The following CEP85L variants were observed in gnomAD, a reference collection of about 807,000 sequenced individuals.
The protein encoded by CEP85L is centrosomal protein of 85 kDa-like.
CEP85L carries 60 observed loss-of-function variants against 100.3 expected under a neutral mutation model. That is an observed-to-expected ratio of 0.60 (90% CI 0.49 to 0.74). The LOEUF (loss-of-function observed/expected upper bound fraction) is 0.74, where lower values mean the gene tolerates loss of function less well. CEP85L is among the 30% of genes least tolerant of loss of function. The pLI, the probability that CEP85L is intolerant of heterozygous loss-of-function variation, is 0.00. For missense variants in CEP85L, 973 were observed against 936.2 expected (o/e 1.04, Z -0.51); for synonymous variants, 319 against 322.7 (o/e 0.99, Z 0.12).
rs141587519 is a variant in CEP85L at position 118,469,060 on chromosome 6, T to G, written c.2254+12A>C. ...ATTGCCACAAAATAAGGACAAGTCA[T>G]CAGACACTTACATCTTATTCCCAGT... is the stretch of plus-strand genomic sequence containing the variant. On this transcript the variant is annotated intron_variant, in intron 12 of 12. Coordinates refer to ENST00000368491, the MANE Select transcript of CEP85L (RefSeq NM_001042475.3). The G allele has an allele frequency of 1.5e-4, 237 of 1,579,230 alleles. No individual in the cohort carries two copies. In the African/African-American group the frequency reaches 2.9e-3, roughly 19 times the overall value.
At chr6:118,631,121 C>T (rs1181763910) in intron 2 of CEP85L, among the ~76,000 whole-genome samples, 1 of 152,094 alleles carries the variant, frequency 6.6e-6, no homozygotes, top group Non-Finnish European at 1.5e-5. Context: ...ATATACTACA[C>T]TAGTAGGAGA....
intron 1 of CEP85L, among the ~76,000 whole-genome samples, chr6:118,695,786 T>C (rs186463402): frequency 3.2e-4 from 48 of 152,276 alleles, no homozygotes; most frequent in African/African-American, 1.1e-3. Context: ...CAAGATACCA[T>C]GATGGTATGT....
At chr6:118,662,257 C>T (rs116687118) in intron 1 of CEP85L, among the ~76,000 whole-genome samples, 6,667 of 152,136 alleles carry the variant, frequency 0.044, 175 homozygotes, top group Admixed American at 0.055. Flanking sequence ...TGGCCGGGTG[C>T]GGTGGCTCAC....
intron 2 of CEP85L, among the ~76,000 whole-genome samples, chr6:118,601,280 A>C (rs1193823413): frequency 2.0e-5 from 3 of 152,202 alleles, no homozygotes; most frequent in African/African-American, 7.2e-5. Context: ...CCCTCTGTAA[A>C]GGCTATCAGT....
rs1781712069 is a variant in CEP85L at position 118,600,351 on chromosome 6, GT to G, written c.232+32101del. The stretch of plus-strand genomic sequence containing the variant: ...TGTGTGTGTGTGTGTGTGTGTGTGT[GT>G]GTGTGTGTGTGTGTGTGTAACGCCA... On this transcript the variant is annotated intron_variant, in intron 2 of 12. Transcript: ENST00000368491. Among the ~76,000 whole-genome samples the G allele has an allele frequency of 3.6e-5, 5 of 138,968 alleles. 1 individual carries two copies. Among genetic ancestry groups the G allele is most frequent in the Middle Eastern group, 7.2e-3 (2 of 278 alleles). 91.2% of individuals were successfully genotyped at this position (138,968 alleles called of 152,430 possible). A position where few individuals can be genotyped will look rare whatever the true frequency, so the allele number is the denominator to read the frequency against.
intron 2 of CEP85L, among the ~76,000 whole-genome samples, chr6:118,605,184 C>G (rs1292273826): frequency 6.6e-6 from 1 of 152,088 alleles, no homozygotes; most frequent in Non-Finnish European, 1.5e-5. Flanking sequence ...ATTAAGGGTG[C>G]CATTTTATGC....
chr6:118,640,367 T>C (rs1774783444), intron 1 of CEP85L, among the ~76,000 whole-genome samples: 1 of 152,060 alleles, frequency 6.6e-6, no homozygotes. Flanking sequence ...CCAGGCTACC[T>C]GGGTTCAAGT....
rs1246129504 is a variant in CEP85L at position 118,600,310 on chromosome 6, T to G, written c.232+32143A>C. On this transcript the variant is annotated intron_variant, in intron 2 of 12. Transcript: ENST00000368491. ...CTGAGCCTTCCTGGGGGTGTGTGTG[T>G]GTGTGTGTGTGTGTGTGTGTGTGTG... Among the ~76,000 whole-genome samples the G allele has an allele frequency of 5.8e-3, 379 of 65,892 alleles. 21 individuals carry two copies. The highest frequency in any genetic ancestry group is 0.016 in the Middle Eastern group (2 of 124). The allele number at this position is 65,892 out of a possible 152,430, so 43.2% of individuals were successfully genotyped here.
chr6:118,567,239 G>GTA (rs1779585529), intron 2 of CEP85L, among the ~76,000 whole-genome samples: 4 of 53,324 alleles, frequency 7.5e-5, no homozygotes, highest in Non-Finnish European at 1.1e-4. Context: ...GTGTGTGTGT[G>GTA]TGTGTGTGTG....
intron 3 of CEP85L, chr6:118,565,000 T>A (rs9489443): frequency 0.17 from 25,469 of 148,916 alleles, 2,285 homozygotes; most frequent in Non-Finnish European, 0.19. Flanking sequence ...TAATTTTTTT[T>A]AAAAAAAAGT....
At chr6:118,613,411 A>G (rs9489466) in intron 2 of CEP85L, among the ~76,000 whole-genome samples, 4,441 of 152,274 alleles carry the variant, frequency 0.029, 193 homozygotes, top group African/African-American at 0.091. Context: ...ATTACTTTAT[A>G]ACTATTAAGG....
intron 2 of CEP85L, among the ~76,000 whole-genome samples, chr6:118,595,549 A>AAT (rs1781419468): frequency 6.6e-6 from 1 of 152,172 alleles, no homozygotes; most frequent in Admixed American, 6.5e-5. Flanking sequence ...GTATTCAATA[A>AAT]ATATATATAA....
intron 1 of CEP85L, among the ~76,000 whole-genome samples, chr6:118,679,565 AG>A (rs1328240414): frequency 6.6e-6 from 1 of 152,220 alleles, no homozygotes; most frequent in East Asian, 1.9e-4. Context: ...AACATGTCTT[AG>A]TCATGTAGTG....
chr6:118,704,197 T>C (rs1562368015), intron 1 of CEP85L, among the ~76,000 whole-genome samples: 1 of 152,206 alleles, frequency 6.6e-6, no homozygotes, highest in South Asian at 2.1e-4. Flanking sequence ...ACCAAACTCT[T>C]TGGAGGAATC....
intron 1 of CEP85L, among the ~76,000 whole-genome samples, chr6:118,649,585 T>G (rs1303100876): frequency 6.6e-6 from 1 of 152,208 alleles, no homozygotes; most frequent in Non-Finnish European, 1.5e-5. Context: ...TTTGACATTT[T>G]CAGATAAACT....
chr6:118,679,470 A>G (rs1178715937), intron 1 of CEP85L, among the ~76,000 whole-genome samples: 1 of 152,246 alleles, frequency 6.6e-6, no homozygotes, highest in Non-Finnish European at 1.5e-5. Context: ...TGGATTTGCT[A>G]TAATTCCTTA....
chr6:118,650,622 T>C (rs986147797), intron 1 of CEP85L, among the ~76,000 whole-genome samples: 3 of 152,054 alleles, frequency 2.0e-5, no homozygotes, highest in African/African-American at 7.2e-5. Flanking sequence ...GGGGCTGAAG[T>C]TCCCTTGGGG....
At chr6:118,647,777 A>C (rs964585094) in intron 1 of CEP85L, among the ~76,000 whole-genome samples, 6 of 152,236 alleles carry the variant, frequency 3.9e-5, no homozygotes, top group African/African-American at 1.4e-4. Flanking sequence ...CCTACGGGAA[A>C]TATGTCTATC....
chr6:118,533,746 G>C (rs1777425524), intron 3 of CEP85L, among the ~76,000 whole-genome samples: 1 of 152,160 alleles, frequency 6.6e-6, no homozygotes, highest in Admixed American at 6.5e-5. Context: ...GCTATACATA[G>C]ATAATACGTT....
Sources: allele counts gnomAD v4.1 joint callset (sites outside exome capture counted in the v4.1 genomes callset), GRCh38; gene constraint gnomAD v4.1.1; transcripts MANE v1.5; gene names NCBI Gene and HGNC (gene_info 2026-07-23, HGNC 2026-07-21).